Variants in VRK2 observed in about 807,000 individuals in gnomAD.
VRK2 encodes VRK serine/threonine kinase 2, also known as serine/threonine-protein kinase VRK2.
A neutral mutation model predicts 57.6 loss-of-function variants in VRK2; 60 were observed. The observed-to-expected ratio is 1.04, with a 90% CI of 0.85 to 1.29. The LOEUF (loss-of-function observed/expected upper bound fraction) is 1.29, where lower values mean the gene tolerates loss of function less well. Ranked by LOEUF, VRK2 falls within the 50% of genes most tolerant of loss-of-function variation. The probability of loss-of-function intolerance (pLI) is 0.00; values close to 1 mark genes in which losing one functional copy is unlikely to be tolerated. For missense variants in VRK2, 705 were observed against 588.1 expected (o/e 1.20, Z -2.06); for synonymous variants, 231 against 199.2 (o/e 1.16, Z -1.35).
intron 7 of VRK2, among the ~76,000 whole-genome samples, chr2:58,111,141 T>G (rs1675507737): frequency 6.6e-6 from 1 of 151,954 alleles, no homozygotes; most frequent in Non-Finnish European, 1.5e-5. Flanking sequence ...ATTGGAGGAG[T>G]CGAGAAGTTC....
rs999047421 is a variant in VRK2, at chr2:57,979,371, G to A, written c.-438-46294G>A. Among the ~76,000 whole-genome samples, 2 of 151,126 alleles carry A rather than the reference G, an allele frequency of 1.3e-5. 1 individual carries two copies. The highest frequency in any genetic ancestry group is 4.2e-4 in the South Asian group (2 of 4,816). On this transcript the variant is annotated intron_variant, in intron 1 of 15. Coordinates refer to the VRK2 transcript ENST00000417641. ...CTAATCGCTGTTCTGACTGGCATGC[G>A]ATGGTATCTCATTGTGGCTTTGATT...
intron 7 of VRK2, among the ~76,000 whole-genome samples, chr2:58,115,804 A>G (rs1299968878): frequency 3.9e-5 from 6 of 152,220 alleles, no homozygotes; most frequent in African/African-American, 1.4e-4. Flanking sequence ...AGTACAGCCC[A>G]GGTAATTTGC....
At chr2:57,926,393 GGTCCTCCAGT>G (rs966832221) in intron 1 of VRK2, among the ~76,000 whole-genome samples, 11 of 148,890 alleles carry the variant, frequency 7.4e-5, no homozygotes, top group Admixed American at 1.3e-4. Flanking sequence ...TATATATTTG[GGTCCTCCAGT>G]GTCCTCCAGT....
At chr2:58,016,590 C>T (rs1020776729) in intron 1 of VRK2, among the ~76,000 whole-genome samples, 1 of 152,066 alleles carries the variant, frequency 6.6e-6, no homozygotes, top group Non-Finnish European at 1.5e-5. Context: ...AAACTCTTGA[C>T]CTCAGGTGAT....
chr2:58,063,225 C>T (rs977096386), intron 2 of VRK2, among the ~76,000 whole-genome samples: 24 of 148,444 alleles, frequency 1.6e-4, no homozygotes, highest in Non-Finnish European at 2.8e-4. Flanking sequence ...ATATTTAAGG[C>T]ATATGTCACA....
At chr2:58,042,893 A>T (rs1674517727), upstream of VRK2, among the ~76,000 whole-genome samples, 1 of 152,126 alleles carries the variant, frequency 6.6e-6, no homozygotes, top group South Asian at 2.1e-4. Context: ...ATGTTCATTC[A>T]GAAGATGTTC....
intron 2 of VRK2, among the ~76,000 whole-genome samples, chr2:58,065,758 T>C (rs1171484925): frequency 6.6e-6 from 1 of 152,172 alleles, no homozygotes; most frequent in East Asian, 1.9e-4. Context: ...TCCTCATTTC[T>C]TTAGGTCTTC....
At chr2:57,986,596 A>ATT (rs11452161) in intron 1 of VRK2, among the ~76,000 whole-genome samples, 4,796 of 124,402 alleles carry the variant, frequency 0.039, 374 homozygotes, top group African/African-American at 0.12. Flanking sequence ...AGTTCAATCG[A>ATT]TTTTTTTTTT....
chr2:57,988,143 T>C (rs1301799934), intron 1 of VRK2, among the ~76,000 whole-genome samples: 2 of 152,208 alleles, frequency 1.3e-5, no homozygotes, highest in African/African-American at 4.8e-5. Context: ...AAAAAGGGTG[T>C]GTCACTGTAG....
intron 1 of VRK2, among the ~76,000 whole-genome samples, chr2:57,974,845 C>T (rs1281172098): frequency 6.6e-6 from 1 of 151,778 alleles, no homozygotes; most frequent in Non-Finnish European, 1.5e-5. Context: ...CCAACCCTTA[C>T]TTGATGAATA....
intron 7 of VRK2, among the ~76,000 whole-genome samples, chr2:58,119,456 GACAGAGTGAGACTC>G: frequency 7.4e-6 from 1 of 134,504 alleles, no homozygotes; most frequent in East Asian, 2.2e-4. Flanking sequence ...CAACCTGGGT[GACAGAGTGAGACTC>G]CATCTCAAAA....
rs749850453 is a variant in VRK2 at position 58,131,615 on chromosome 2, GCAAC to G, written c.677-190_677-187del. On this transcript the variant is annotated intron_variant, in intron 8 of 12. Coordinates refer to ENST00000340157, the MANE Select transcript of VRK2 (RefSeq NM_006296.7). ...AGGAAACTGACCCTTACTTTCAACA[GCAAC>G]CAGTCACTGCCTGTCTGTGGACTGG... is the stretch of plus-strand genomic sequence containing the variant. 3.9e-5 allele frequency among the ~76,000 whole-genome samples: 6 copies of G among 152,260 alleles called. No homozygotes were observed. In the East Asian group the frequency reaches 9.6e-4, roughly 24 times the overall value.
chr2:58,060,600 C>G (rs993509413), intron 2 of VRK2, among the ~76,000 whole-genome samples: 9 of 151,644 alleles, frequency 5.9e-5, no homozygotes, highest in Non-Finnish European at 1.0e-4. Context: ...TGTAGTATAT[C>G]TTTGGATAGT....
At chr2:58,021,270 G>C (rs116663226) in intron 1 of VRK2, among the ~76,000 whole-genome samples, 1 of 151,802 alleles carries the variant, frequency 6.6e-6, no homozygotes, top group Non-Finnish European at 1.5e-5. Flanking sequence ...TCCTTTCCAA[G>C]CTCACAGATT....
chr2:58,089,319 A>G (rs1672051113), intron 6 of VRK2, among the ~76,000 whole-genome samples: 1 of 148,762 alleles, frequency 6.7e-6, no homozygotes, highest in African/African-American at 2.6e-5. Context: ...ATTTTATGCT[A>G]TGTTTTTCCT....
chr2:58,077,084 A>G (rs1177554940), intron 2 of VRK2, among the ~76,000 whole-genome samples: 1 of 152,056 alleles, frequency 6.6e-6, no homozygotes, highest in South Asian at 2.1e-4. Context: ...AAGATGACAC[A>G]ATATGTGTAG....
chr2:58,019,668 A>C (rs1352799948), intron 1 of VRK2, among the ~76,000 whole-genome samples: 1 of 152,236 alleles, frequency 6.6e-6, no homozygotes, highest in African/African-American at 2.4e-5. Flanking sequence ...ACATCAAAAT[A>C]ACCTGTGTGA....
At chr2:58,080,771 TA>T (rs1194143448) in intron 2 of VRK2, among the ~76,000 whole-genome samples, 1 of 151,990 alleles carries the variant, frequency 6.6e-6, no homozygotes, top group African/African-American at 2.4e-5. Flanking sequence ...AATACATTTA[TA>T]TTTTTAGCAG....
At chr2:57,992,096 G>C (rs1296897873) in intron 1 of VRK2, among the ~76,000 whole-genome samples, 1 of 151,118 alleles carries the variant, frequency 6.6e-6, no homozygotes, top group African/African-American at 2.5e-5. Context: ...ATTAATAATA[G>C]ATAGTTGTAT....
Sources: allele counts gnomAD v4.1 joint callset (sites outside exome capture counted in the v4.1 genomes callset), GRCh38; gene constraint gnomAD v4.1.1; transcripts MANE v1.5; gene names NCBI Gene and HGNC (gene_info 2026-07-23, HGNC 2026-07-21).